The following RHOT1 variants were observed in gnomAD, a reference collection of about 807,000 sequenced individuals.
RHOT1 encodes mitochondrial Rho GTPase 1.
In RHOT1, 27 loss-of-function variants were observed where a neutral mutation model predicts 95.3. The observed-to-expected ratio is 0.28, with a 90% CI of 0.21 to 0.39. The LOEUF (loss-of-function observed/expected upper bound fraction) is 0.39, where lower values mean the gene tolerates loss of function less well. RHOT1 is among the 10% of genes least tolerant of loss of function. The probability of loss-of-function intolerance (pLI) is 1.00; values close to 1 mark genes in which losing one functional copy is unlikely to be tolerated. For synonymous variants in RHOT1, 227 were observed against 263.5 expected, an observed-to-expected ratio of 0.86 and a Z score of 1.34; for missense variants, 578 against 786.7, an observed-to-expected ratio of 0.73 and a Z score of 3.17.
At chr17:32,176,550 A>T (rs866174512) in intron 6 of RHOT1, among the ~76,000 whole-genome samples, 2 of 119,958 alleles carry the variant, frequency 1.7e-5, no homozygotes, top group African/African-American at 8.4e-5. Flanking sequence ...AGTTTTATTT[A>T]TTTATTTATT....
intron 11 of RHOT1, among the ~76,000 whole-genome samples, chr17:32,194,828 C>CTTTTT (rs11357987): frequency 1.6e-5 from 2 of 125,306 alleles, no homozygotes; most frequent in Admixed American, 8.1e-5. Context: ...CTTTTTCTTT[C>CTTTTT]TTTTTTTTTT....
chr17:32,211,169 GTCAGAACT>G lies in RHOT1; in HGVS notation c.1796_1803del (p.Gln599ProfsTer19). On this transcript the variant is annotated frameshift_variant, in exon 19 of 20. Coordinates refer to ENST00000545287, the MANE Select transcript of RHOT1 (RefSeq NM_001033566.3). LOFTEE classifies it high-confidence loss of function. ...TGCAACAGGTGTACATTTTGCATCT[GTCAGAACT>G]TCCTCAACTCAGACTTGCTGCAATC... 1 of 1,612,376 alleles carries G rather than the reference GTCAGAACT, an allele frequency of 6.2e-7. No homozygotes were observed.
At chr17:32,165,286 G>A (rs113617073) in intron 1 of RHOT1, among the ~76,000 whole-genome samples, 3,888 of 125,350 alleles carry the variant, frequency 0.031, 171 homozygotes, top group African/African-American at 0.11. Context: ...GCAATAAGCC[G>A]AAATCGCGCC....
chr17:32,166,006 G>A (rs1433182928), intron 1 of RHOT1, among the ~76,000 whole-genome samples: 2 of 151,692 alleles, frequency 1.3e-5, no homozygotes, highest in Non-Finnish European at 1.5e-5. Flanking sequence ...CCAACAAGGC[G>A]AAACCCCATC....
intron 1 of RHOT1, among the ~76,000 whole-genome samples, chr17:32,146,804 G>T: frequency 6.6e-6 from 1 of 151,334 alleles, no homozygotes; most frequent in East Asian, 1.9e-4. Context: ...GCCCAGGCTG[G>T]AGTACAGTGG....
chr17:32,153,306 A>G (rs937161572), intron 1 of RHOT1, among the ~76,000 whole-genome samples: 7 of 152,224 alleles, frequency 4.6e-5, no homozygotes, highest in Non-Finnish European at 4.4e-5. Flanking sequence ...ATTGAATGTC[A>G]GCTTCATTTT....
intron 6 of RHOT1, among the ~76,000 whole-genome samples, chr17:32,178,200 C>A (rs62062448): frequency 1.5e-5 from 2 of 129,820 alleles, no homozygotes; most frequent in Non-Finnish European, 1.6e-5. Flanking sequence ...ATAATAAATG[C>A]CCTCCCCCCC....
chr17:32,208,341 C>T, intron 18 of RHOT1, 32 bp downstream of exon 18: 2 of 1,576,444 alleles, frequency 1.3e-6, no homozygotes, highest in Non-Finnish European at 1.7e-6. Context: ...TTTCATGTTG[C>T]ATGGTTCATA....
intron 6 of RHOT1, among the ~76,000 whole-genome samples, chr17:32,176,424 T>A (rs1197932214): frequency 6.6e-6 from 1 of 152,166 alleles, no homozygotes; most frequent in Non-Finnish European, 1.5e-5. Context: ...GCAGTAGATA[T>A]ACTTGAGAGC....
chr17:32,214,892 G>GTTTTTTT (rs1261604473), intron 19 of RHOT1, among the ~76,000 whole-genome samples: 1 of 96,742 alleles, frequency 1.0e-5, no homozygotes, highest in Non-Finnish European at 2.1e-5. Flanking sequence ...TAAAAGGCTT[G>GTTTTTTT]TCTTTTTTTT....
chr17:32,194,410 A>G (rs1181436574), intron 11 of RHOT1, among the ~76,000 whole-genome samples: 1 of 152,248 alleles, frequency 6.6e-6, no homozygotes, highest in Admixed American at 6.5e-5. Context: ...CCTCAGCACT[A>G]TTGGCATTTT....
intron 19 of RHOT1, 86 bp from the exon 20 acceptor site, chr17:32,224,530 T>C: frequency 1.1e-6 from 1 of 877,668 alleles, no homozygotes; most frequent in Admixed American, 2.3e-5. Flanking sequence ...GTGCTAATAC[T>C]TCCCTAAAAG....
chr17:32,199,091 T>A, intron 12 of RHOT1, 60 bp downstream of exon 12: 1 of 1,284,140 alleles, frequency 7.8e-7, no homozygotes, highest in South Asian at 1.2e-5. Context: ...ATGGATGATA[T>A]AACTCTGTTC....
chr17:32,142,647 C>T lies in RHOT1; in HGVS notation c.-46C>T. On this transcript the variant is annotated 5_prime_UTR_variant, in exon 1 of 20. Transcript: ENST00000545287. Reference sequence around the variant, plus strand: ...GGTGGGTGCTCCTGGTGAGAGGAGTCCACTCCGTGCGTGCGGGCGGAGGCC... The same window carrying T: ...GGTGGGTGCTCCTGGTGAGAGGAGTTCACTCCGTGCGTGCGGGCGGAGGCC... 2 of 1,504,310 alleles carry T rather than the reference C, an allele frequency of 1.3e-6. No homozygotes were observed. Among genetic ancestry groups the T allele is most frequent in the Non-Finnish European group, 1.8e-6 (2 of 1,127,594 alleles). 93.2% of individuals were successfully genotyped at this position (1,504,310 alleles called of 1,614,324 possible).
chr17:32,183,013 G>A (rs903206128), intron 7 of RHOT1, 148 bp downstream of exon 7: 1 of 748,566 alleles, frequency 1.3e-6, no homozygotes, highest in Non-Finnish European at 2.1e-6. Flanking sequence ...AGTTGGAGTT[G>A]GCCTCTGAAC....
chr17:32,186,867 G>A (rs2036100645), intron 8 of RHOT1, among the ~76,000 whole-genome samples: 1 of 152,150 alleles, frequency 6.6e-6, no homozygotes, highest in South Asian at 2.1e-4. Flanking sequence ...TCGCTGAGTT[G>A]CCCAAGGTGG....
chr17:32,209,686 A>G (rs2037993626), intron 18 of RHOT1: 2 of 354,458 alleles, frequency 5.6e-6, no homozygotes, highest in South Asian at 6.6e-5. Flanking sequence ...AAAACATTTT[A>G]CTGTAATTCT....
At chr17:32,149,609 A>ATGTG (rs1429872003) in intron 1 of RHOT1, among the ~76,000 whole-genome samples, 18 of 76,970 alleles carry the variant, frequency 2.3e-4, no homozygotes, top group African/African-American at 1.5e-3. Flanking sequence ...ATATATATAT[A>ATGTG]TATATATATA....
chr17:32,216,361 C>T lies in RHOT1; in HGVS notation c.1862+5123C>T, dbSNP rs150890208. On this transcript the variant is annotated intron_variant, in intron 19 of 19. Transcript: ENST00000545287. ...CTTATTTTACAGTTTATTCTTTGGGCGTGATTTCCTTTGTGCATATTTTGG... is the reference window on the plus strand; with the variant it reads ...CTTATTTTACAGTTTATTCTTTGGGTGTGATTTCCTTTGTGCATATTTTGG... Among the ~76,000 whole-genome samples, 531 of 152,046 alleles carry T rather than the reference C, an allele frequency of 3.5e-3. 4 individuals carry two copies. The highest frequency in any genetic ancestry group is 0.012 in the African/African-American group (491 of 41,524).
Sources: gnomAD v4.1 joint callset for allele counts (sites outside exome capture counted in the v4.1 genomes callset) on GRCh38, gnomAD v4.1.1 for gene constraint, MANE v1.5 for transcripts, NCBI Gene and HGNC (gene_info 2026-07-23, HGNC 2026-07-21) for gene names.